The following PXDNL variants were observed in gnomAD, a reference collection of about 807,000 sequenced individuals.
PXDNL encodes peroxidasin like.
Under a neutral mutation model 150.8 loss-of-function variants are expected in PXDNL, and 145 were observed. The observed-to-expected ratio is 0.96, with a 90% CI of 0.84 to 1.10. The LOEUF (loss-of-function observed/expected upper bound fraction) is 1.10, where lower values mean the gene tolerates loss of function less well. PXDNL is among the 50% of genes least tolerant of loss of function. The pLI, the probability that PXDNL is intolerant of heterozygous loss-of-function variation, is 0.00. For missense variants in PXDNL, 2,087 were observed against 1,873.9 expected, an observed-to-expected ratio of 1.11 and a Z score of -2.10; for synonymous variants, 757 against 725.7, an observed-to-expected ratio of 1.04 and a Z score of -0.69.
At chr8:51,708,950 T>C (rs984535646) in intron 1 of PXDNL, among the ~76,000 whole-genome samples, 7 of 151,726 alleles carry the variant, frequency 4.6e-5, no homozygotes, top group Admixed American at 3.3e-4. Flanking sequence ...AGGGGGGCAA[T>C]AGGAGAAAAA....
intron 3 of PXDNL, among the ~76,000 whole-genome samples, chr8:51,589,396 T>C (rs915317977): frequency 7.9e-5 from 12 of 152,098 alleles, no homozygotes; most frequent in African/African-American, 2.2e-4. Flanking sequence ...TAGATTGCCA[T>C]GAACAGAATG....
intron 1 of PXDNL, among the ~76,000 whole-genome samples, chr8:51,676,333 G>C (rs1312213197): frequency 6.6e-6 from 1 of 151,966 alleles, no homozygotes; most frequent in Non-Finnish European, 1.5e-5. Context: ...CTGGAGTGCA[G>C]TAGCATGATT....
rs375259669 is a variant in PXDNL, at chr8:51,364,589, T to C, written c.3901+7284A>G. On this transcript the variant is annotated intron_variant, in intron 19 of 22. Coordinates refer to ENST00000356297, the MANE Select transcript of PXDNL (RefSeq NM_144651.5). ...GTATACTTTTATTTTGTGAAAGATA[T>C]TGAAGCCAGCCTTATATACATAGAC... 7.9e-5 allele frequency among the ~76,000 whole-genome samples: 12 copies of C among 152,326 alleles called. 1 individual carries two copies. Among genetic ancestry groups the C allele is most frequent in the African/African-American group, 2.6e-4 (11 of 41,578 alleles).
chr8:51,760,978 C>A (rs958054356), intron 1 of PXDNL, among the ~76,000 whole-genome samples: 3 of 148,082 alleles, frequency 2.0e-5, no homozygotes, highest in Non-Finnish European at 4.5e-5. Flanking sequence ...CCTGCCTCAG[C>A]CTCCGGAGTA....
chr8:51,343,388 A>G (rs1037801856), intron 20 of PXDNL, among the ~76,000 whole-genome samples: 3 of 152,212 alleles, frequency 2.0e-5, no homozygotes, highest in Non-Finnish European at 4.4e-5. Context: ...TTATAAAACA[A>G]AACAAATCAG....
chr8:51,579,168 T>G (rs1813153157), intron 3 of PXDNL, among the ~76,000 whole-genome samples: 1 of 151,916 alleles, frequency 6.6e-6, no homozygotes, highest in Non-Finnish European at 1.5e-5. Flanking sequence ...AGACTAAAAG[T>G]AAGTTACAGA....
chr8:51,744,675 CAAAAAA>C (rs34751949), intron 1 of PXDNL, among the ~76,000 whole-genome samples: 3 of 38,860 alleles, frequency 7.7e-5, no homozygotes, highest in Admixed American at 4.8e-4. Context: ...GACTCCATCT[CAAAAAA>C]AAAAAAAAAA....
chr8:51,323,017 G>A (rs752934159), intron 21 of PXDNL, among the ~76,000 whole-genome samples: 10 of 152,104 alleles, frequency 6.6e-5, no homozygotes, highest in Non-Finnish European at 1.0e-4. Flanking sequence ...GAATGACAAG[G>A]CTTCACAATA....
chr8:51,382,580 C>T (rs1807581685), intron 17 of PXDNL, among the ~76,000 whole-genome samples: 2 of 151,870 alleles, frequency 1.3e-5, no homozygotes, highest in African/African-American at 2.4e-5. Flanking sequence ...TTGAAGAGAC[C>T]ATTCAATTAA....
At position 51,408,812 on chromosome 8, in the gene PXDNL, T is replaced by C. The variant is rs369813443; in HGVS notation, c.2812A>G (p.Thr938Ala). 1.5e-5 allele frequency: 23 copies of C among 1,569,486 alleles called. No individual in the cohort carries two copies. Among genetic ancestry groups the C allele is most frequent in the Non-Finnish European group, 1.7e-5 (20 of 1,158,818 alleles). ...PSGKPLLPFS[T>A]GPPTECARQE... ...CGCGCGCACTCGGTGGGTGGGCCTGTAGAAAAGGGCAATAAGGGCTTTCCG... is the reference window on the plus strand; with the variant it reads ...CGCGCGCACTCGGTGGGTGGGCCTGCAGAAAAGGGCAATAAGGGCTTTCCG... Residue 938 changes from threonine to alanine, a missense_variant, in exon 17 of 23, where the codon ACA becomes GCA. Thr to Ala is a moderately conservative substitution (Grantham distance 58). Transcript: ENST00000356297.
intron 3 of PXDNL, among the ~76,000 whole-genome samples, chr8:51,586,992 T>C (rs1286380637): frequency 6.6e-6 from 1 of 152,190 alleles, no homozygotes; most frequent in Non-Finnish European, 1.5e-5. Flanking sequence ...CAGAGATGCA[T>C]CAGTTTTTTG....
intron 19 of PXDNL, among the ~76,000 whole-genome samples, chr8:51,364,472 T>C (rs1445692335): frequency 6.6e-6 from 1 of 152,230 alleles, no homozygotes; most frequent in Non-Finnish European, 1.5e-5. Flanking sequence ...TTCTCTGCTA[T>C]CATAAGACTC....
chr8:51,409,297 G>A lies in PXDNL; in HGVS notation c.2327C>T (p.Pro776Leu), dbSNP rs1808552308. ...GLGLPVGSRQ[P>L]LPPPRLVATV... ...GGCGACCAGCCGGGGCGGCGGGAGGGGCTGGCGGGAGCCCACAGGAAGGCC... is the reference window on the plus strand; with the variant it reads ...GGCGACCAGCCGGGGCGGCGGGAGGAGCTGGCGGGAGCCCACAGGAAGGCC... The change falls in exon 17 of 23, where the codon CCC becomes CTC. Residue 776 changes from proline to leucine, a missense_variant. Coordinates refer to ENST00000356297, the MANE Select transcript of PXDNL (RefSeq NM_144651.5). 2 of 1,423,616 alleles carry A rather than the reference G, an allele frequency of 1.4e-6. No individual in the cohort carries two copies. Among genetic ancestry groups the A allele is most frequent in the Non-Finnish European group, 1.8e-6 (2 of 1,096,136 alleles). The allele number at this position is 1,423,616 out of a possible 1,614,324, so 88.2% of individuals were successfully genotyped here.
rs148557435 is a variant in PXDNL, at chr8:51,622,200, G to A, written c.237-29502C>T. On this transcript the variant is annotated intron_variant, in intron 2 of 22. Transcript: ENST00000356297. Reference sequence around the variant, plus strand: ...CTGAGAATAACCTCACCCACTGGCCGGCAAGGAAGCAGGAATCTCAGATCC... The same window carrying A: ...CTGAGAATAACCTCACCCACTGGCCAGCAAGGAAGCAGGAATCTCAGATCC... Among the ~76,000 whole-genome samples, 666 of 152,194 alleles carry A rather than the reference G, an allele frequency of 4.4e-3. 4 individuals are homozygous for A. Among genetic ancestry groups the A allele is most frequent in the African/African-American group, 0.015 (634 of 41,532 alleles).
intron 21 of PXDNL, among the ~76,000 whole-genome samples, chr8:51,332,561 C>T (rs1467127422): frequency 6.7e-6 from 1 of 149,656 alleles, no homozygotes; most frequent in Non-Finnish European, 1.5e-5. Flanking sequence ...AAGCTCAATG[C>T]AAGAGCTTGT....
At chr8:51,599,416 A>G (rs1813645025) in intron 2 of PXDNL, among the ~76,000 whole-genome samples, 1 of 151,454 alleles carries the variant, frequency 6.6e-6, no homozygotes, top group Non-Finnish European at 1.5e-5. Flanking sequence ...TTGATATGTT[A>G]TGTATCTGTT....
intron 1 of PXDNL, among the ~76,000 whole-genome samples, chr8:51,763,780 C>T (rs915924162): frequency 2.0e-5 from 3 of 151,936 alleles, no homozygotes; most frequent in East Asian, 3.9e-4. Context: ...GTATATTGAC[C>T]TCCAAAAAAA....
intron 8 of PXDNL, among the ~76,000 whole-genome samples, chr8:51,460,144 G>A (rs962761317): frequency 1.3e-5 from 2 of 151,520 alleles, no homozygotes; most frequent in African/African-American, 2.4e-5. Context: ...CAGCTACTTG[G>A]AGGCTGAGGT....
intron 14 of PXDNL, among the ~76,000 whole-genome samples, chr8:51,423,272 T>G (rs1809004067): frequency 6.6e-6 from 1 of 152,218 alleles, no homozygotes; most frequent in South Asian, 2.1e-4. Context: ...CTCCACATTT[T>G]GGCTATAAAT....
Sources: gnomAD v4.1 joint callset for allele counts (sites outside exome capture counted in the v4.1 genomes callset) on GRCh38, gnomAD v4.1.1 for gene constraint, MANE v1.5 for transcripts, NCBI Gene and HGNC (gene_info 2026-07-23, HGNC 2026-07-21) for gene names.